Variants in OTUD7A observed in about 807,000 individuals in gnomAD.
The protein encoded by OTUD7A is OTU domain-containing protein 7A.
Under a neutral mutation model 65.7 loss-of-function variants are expected in OTUD7A, and 12 were observed. That is an observed-to-expected ratio of 0.18 (90% CI 0.12 to 0.30). The LOEUF (loss-of-function observed/expected upper bound fraction) is 0.30. OTUD7A is among the 10% of genes least tolerant of loss of function. The pLI is 1.00. For synonymous variants in OTUD7A, 641 were observed against 586.3 expected (o/e 1.09, Z -1.35); for missense variants, 1,148 against 1,304.8 (o/e 0.88, Z 1.85).
At chr15:31,623,727 C>T (rs1299615090) in intron 3 of OTUD7A, among the ~76,000 whole-genome samples, 1 of 152,216 alleles carries the variant, frequency 6.6e-6, no homozygotes, top group Non-Finnish European at 1.5e-5. Context: ...TGAGGTGATG[C>T]CTCACCATGC....
intron 1 of OTUD7A, chr15:31,766,384 C>A (rs759239302): frequency 6.3e-7 from 1 of 1,585,956 alleles, no homozygotes; most frequent in Non-Finnish European, 8.7e-7. Context: ...TGTAGAGCAT[C>A]GATGGCAACC....
At chr15:31,547,546 C>G (rs149564027) in intron 5 of OTUD7A, among the ~76,000 whole-genome samples, 1,905 of 152,210 alleles carry the variant, frequency 0.013, 25 homozygotes, top group Admixed American at 0.018. Flanking sequence ...TTCTTCCTCA[C>G]AAAAATAAAA....
intron 3 of OTUD7A, among the ~76,000 whole-genome samples, chr15:31,639,621 A>G (rs1445697770): frequency 6.6e-6 from 1 of 151,508 alleles, no homozygotes; most frequent in Admixed American, 6.6e-5. Context: ...ACCACTTTCC[A>G]TTCAAAACCA....
chr15:31,617,706 G>A (rs921239852), intron 3 of OTUD7A, among the ~76,000 whole-genome samples: 2 of 152,090 alleles, frequency 1.3e-5, no homozygotes, highest in Admixed American at 6.6e-5. Flanking sequence ...TAGGAAGAGG[G>A]AAGGAAAGAG....
intron 1 of OTUD7A, among the ~76,000 whole-genome samples, chr15:31,724,458 T>C (rs371971156): frequency 6.6e-6 from 1 of 152,230 alleles, no homozygotes; most frequent in Non-Finnish European, 1.5e-5. Context: ...GATGACCAAG[T>C]GTTACTACAC....
intron 3 of OTUD7A, among the ~76,000 whole-genome samples, chr15:31,625,428 A>G (rs1245126465): frequency 2.6e-5 from 4 of 152,112 alleles, no homozygotes; most frequent in African/African-American, 9.6e-5. Context: ...AAAAAAAAAG[A>G]ACTGCAATGG....
intron 1 of OTUD7A, among the ~76,000 whole-genome samples, chr15:31,692,903 C>A (rs1892989115): frequency 1.3e-5 from 2 of 149,706 alleles, no homozygotes; most frequent in Admixed American, 6.6e-5. Flanking sequence ...CCCATCCCCA[C>A]CACTAACAAC....
intron 1 of OTUD7A, among the ~76,000 whole-genome samples, chr15:31,778,334 C>G (rs935512364): frequency 2.0e-5 from 3 of 152,094 alleles, no homozygotes; most frequent in Admixed American, 1.3e-4. Flanking sequence ...AGAAATATAC[C>G]ATGGGGTGCA....
At position 31,736,525 on chromosome 15, in the gene OTUD7A, A is replaced by C. The variant is rs73378611; in HGVS notation, c.-99-79448T>G. On this transcript the variant is annotated intron_variant, in intron 1 of 12. Transcript: ENST00000307050. ...CATACATCCAAACTCAAACAAGAAA[A>C]CTGTAGAAAAGAATGACAGGGAGGG... 7.7e-3 allele frequency among the ~76,000 whole-genome samples: 1,177 copies of C among 152,278 alleles called. 17 individuals carry two copies. Among genetic ancestry groups the C allele is most frequent in the African/African-American group, 0.027 (1,112 of 41,534 alleles).
intron 3 of OTUD7A, among the ~76,000 whole-genome samples, chr15:31,649,211 C>T (rs1372915641): frequency 6.6e-6 from 1 of 152,156 alleles, no homozygotes; most frequent in Non-Finnish European, 1.5e-5. Context: ...CTTTGCTGTG[C>T]CAGAGAGCCA....
At chr15:31,704,927 G>A (rs1379528757) in intron 1 of OTUD7A, among the ~76,000 whole-genome samples, 7 of 151,714 alleles carry the variant, frequency 4.6e-5, no homozygotes, top group African/African-American at 1.2e-4. Context: ...CCCTGGATAC[G>A]CCGTGGATTT....
chr15:31,554,974 T>C (rs1320935477), intron 5 of OTUD7A, among the ~76,000 whole-genome samples: 1 of 152,322 alleles, frequency 6.6e-6, no homozygotes, highest in Non-Finnish European at 1.5e-5. Context: ...TTTCCAGGGT[T>C]TGAAGACTTG....
At chr15:31,809,753 A>C (rs1220524117) in intron 1 of OTUD7A, among the ~76,000 whole-genome samples, 1 of 152,226 alleles carries the variant, frequency 6.6e-6, no homozygotes, top group African/African-American at 2.4e-5. Flanking sequence ...TTGTGAGTGA[A>C]AAGCAAGCCA....
chr15:31,722,300 T>G (rs3874359), intron 1 of OTUD7A, among the ~76,000 whole-genome samples: 106,367 of 151,886 alleles, frequency 0.7, 37,590 homozygotes, highest in South Asian at 0.8. Context: ...CTGCCACAGC[T>G]CCCATCTAGA....
intron 1 of OTUD7A, among the ~76,000 whole-genome samples, chr15:31,774,501 G>T (rs1490917884): frequency 6.6e-6 from 1 of 152,246 alleles, no homozygotes; most frequent in Non-Finnish European, 1.5e-5. Context: ...TGCCTGCCAT[G>T]AAACATTCTG....
chr15:31,515,054 C>T (rs1035866267), intron 8 of OTUD7A, among the ~76,000 whole-genome samples: 31 of 152,002 alleles, frequency 2.0e-4, no homozygotes, highest in South Asian at 1.7e-3. Context: ...TGAGTGCCGG[C>T]GAGTGAATGG....
At chr15:31,850,436 G>A (rs1376903784) in intron 1 of OTUD7A, among the ~76,000 whole-genome samples, 2 of 152,018 alleles carry the variant, frequency 1.3e-5, no homozygotes. Context: ...GGGAGGGATA[G>A]CATTAGGAGA....
chr15:31,711,504 A>T (rs1283925193), intron 1 of OTUD7A, among the ~76,000 whole-genome samples: 2 of 150,460 alleles, frequency 1.3e-5, no homozygotes, highest in African/African-American at 4.9e-5. Context: ...CACTTGCTAT[A>T]AATCACCTTG....
At chr15:31,532,525 ATTAAAC>A (rs960203166) in intron 5 of OTUD7A, among the ~76,000 whole-genome samples, 7 of 130,520 alleles carry the variant, frequency 5.4e-5, no homozygotes, top group Non-Finnish European at 1.2e-4. Context: ...ACAGAGAAAA[ATTAAAC>A]TTAAAAAAAA....
Sources: allele counts gnomAD v4.1 joint callset (sites outside exome capture counted in the v4.1 genomes callset), GRCh38; gene constraint gnomAD v4.1.1; transcripts MANE v1.5; gene names NCBI Gene and HGNC (gene_info 2026-07-23, HGNC 2026-07-21).